The following MYH13 variants were observed in gnomAD, a reference collection of about 807,000 sequenced individuals.
MYH13 encodes myosin heavy chain 13.
MYH13 carries 177 observed loss-of-function variants against 232.1 expected under a neutral mutation model. The observed-to-expected ratio is 0.76, with a 90% CI of 0.67 to 0.86. The LOEUF is 0.86. Among genes scored for constraint, MYH13 ranks in the 40% least tolerant of loss-of-function variants. MYH13 has a pLI of 0.00. For missense variants in MYH13, 2,246 were observed against 2,405.9 expected (o/e 0.93, Z 1.39); for synonymous variants, 884 against 923.5 (o/e 0.96, Z 0.78).
intron 31 of MYH13, among the ~76,000 whole-genome samples, 198 bp from the exon 32 acceptor site, chr17:10,312,274 C>T (rs941028608): frequency 6.6e-6 from 1 of 152,150 alleles, no homozygotes; most frequent in African/African-American, 2.4e-5. Context: ...TTCTCACAGA[C>T]ATTATAATCT....
At chr17:10,310,999 A>G (rs1906490259) in intron 33 of MYH13, 104 bp downstream of exon 33, 1 of 1,433,140 alleles carries the variant, frequency 7.0e-7, no homozygotes, top group Admixed American at 2.0e-5. Context: ...CCCAATGGAG[A>G]CTCAGGGTCT....
intron 22 of MYH13, among the ~76,000 whole-genome samples, chr17:10,326,504 C>T (rs756945708): frequency 1.7e-4 from 25 of 151,022 alleles, no homozygotes; most frequent in Admixed American, 2.6e-4. Flanking sequence ...CGGAGTCTTG[C>T]TCTGTTGCCA....
chr17:10,359,951 G>T lies in MYH13; in HGVS notation c.645+9C>A. 1.9e-6 allele frequency: 3 copies of T among 1,602,480 alleles called. No individual in the cohort carries two copies. Among genetic ancestry groups the T allele is most frequent in the East Asian group, 4.5e-5 (2 of 44,822 alleles). On this transcript the variant is annotated intron_variant, in intron 7 of 40. Coordinates refer to ENST00000252172, the MANE Select transcript of MYH13 (RefSeq NM_003802.3). ...CAGTAAGCCTCCGGATGCAGGTGGG[G>T]CTGCTCACCTGCATTTTGCCTGGCT...
chr17:10,372,105 G>A (rs529950097), intron 1 of MYH13, among the ~76,000 whole-genome samples: 7 of 152,136 alleles, frequency 4.6e-5, no homozygotes, highest in Non-Finnish European at 7.4e-5. Flanking sequence ...TTCCTTCTCC[G>A]TCTTTAATGC....
At chr17:10,328,414 C>T (rs1907293095) in intron 21 of MYH13, among the ~76,000 whole-genome samples, 3 of 152,186 alleles carry the variant, frequency 2.0e-5, no homozygotes, top group South Asian at 2.1e-4. Flanking sequence ...TGAGGGCGTC[C>T]GTGACCTCCT....
At position 10,328,125 on chromosome 17, in the gene MYH13, T is replaced by C. The variant is rs1907282820; in HGVS notation, c.2436-4A>G. On this transcript the variant is annotated splice_polypyrimidine_tract_variant and splice_region_variant and intron_variant, in intron 21 of 40. Coordinates refer to ENST00000252172, the MANE Select transcript of MYH13 (RefSeq NM_003802.3). The stretch of plus-strand genomic sequence containing the variant: ...CTGGATGCAGAAGATGGAGTCCCTG[T>C]ACACCCATTAGGACTCAAATTAATA... 1.2e-6 allele frequency: 2 copies of C among 1,613,298 alleles called. No homozygotes were observed. Among genetic ancestry groups the C allele is most frequent in the African/African-American group, 1.3e-5 (1 of 74,974 alleles).
At chr17:10,310,756 G>C (rs1222901299) in intron 33 of MYH13, among the ~76,000 whole-genome samples, 2 of 152,138 alleles carry the variant, frequency 1.3e-5, no homozygotes, top group East Asian at 3.9e-4. Flanking sequence ...GATTATACAG[G>C]ATTCTTGATA....
intron 31 of MYH13, 21 bp downstream of exon 31, chr17:10,312,550 CAAA>C (rs1567656847): frequency 6.3e-7 from 1 of 1,598,662 alleles, no homozygotes. Flanking sequence ...GCCATCTTCA[CAAA>C]GAAAGCGGCT....
At position 10,308,142 on chromosome 17, in the gene MYH13, T is replaced by A. The variant is rs367726102; in HGVS notation, c.5170-1078A>T. Among the ~76,000 whole-genome samples the A allele has an allele frequency of 7.9e-5, 12 of 152,110 alleles. No homozygotes were observed. In the East Asian group the frequency reaches 2.3e-3, roughly 29 times the overall value. ...GAGATCGAGACAATCCTGGCCAACA[T>A]GGTGAAACCCCGTCTCTACAAAAAT... On this transcript the variant is annotated intron_variant, in intron 35 of 40. Transcript: ENST00000252172.
intron 12 of MYH13, among the ~76,000 whole-genome samples, chr17:10,347,976 G>T (rs947729804): frequency 6.6e-6 from 1 of 152,040 alleles, no homozygotes; most frequent in Non-Finnish European, 1.5e-5. Context: ...CTCCCAAAGT[G>T]CTGGGATTAC....
intron 12 of MYH13, among the ~76,000 whole-genome samples, chr17:10,347,259 G>A (rs2089965120): frequency 6.6e-6 from 1 of 152,124 alleles, no homozygotes; most frequent in African/African-American, 2.4e-5. Flanking sequence ...CAGCTACTTG[G>A]GAGGCTGAGG....
Position 10,324,363 on chromosome 17 carries a change from C to A in MYH13, c.2692-99G>T, listed in dbSNP as rs973593361. 9 of 1,458,178 alleles carry A rather than the reference C, an allele frequency of 6.2e-6. No homozygotes were observed. The African/African-American group carries it at 1.3e-4, about 21-fold the overall frequency. The allele number at this position is 1,458,178 out of a possible 1,614,324, so 90.3% of individuals were successfully genotyped here. A position where few individuals can be genotyped will look rare whatever the true frequency, so the allele number is the denominator to read the frequency against. On this transcript the variant is annotated intron_variant, in intron 22 of 40. Transcript: ENST00000252172. ...AAAAGCTTATTATCTACACCTAAGC[C>A]AAGAAATGGGTCATGCACACACATG...
chr17:10,319,916 C>A (rs920041795), intron 26 of MYH13, among the ~76,000 whole-genome samples: 2 of 152,130 alleles, frequency 1.3e-5, no homozygotes, highest in Non-Finnish European at 2.9e-5. Flanking sequence ...TCAAAGCACC[C>A]TTAACAATAA....
rs757888787 is a variant in MYH13 at position 10,313,331 on chromosome 17, G to A, written c.4008C>T (p.Ala1336=). 12 of 1,614,116 alleles carry A rather than the reference G, an allele frequency of 7.4e-6. No individual in the cohort carries two copies. The highest frequency in any genetic ancestry group is 1.6e-4 in the Middle Eastern group (1 of 6,084). ...ETKAKNAMAH[A]LQSSRHDCDL... The stretch of plus-strand genomic sequence containing the variant: ...CACAGTCGTGGCGGGAGGACTGCAG[G>A]GCGTGCGCCATGGCGTTCTTGGCCT... The change falls in exon 30 of 41, where the codon GCC becomes GCT. Residue 1336 remains alanine, a synonymous_variant. Transcript: ENST00000252172.
intron 18 of MYH13, 34 bp from the exon 19 acceptor site, chr17:10,333,225 A>G: frequency 7.0e-7 from 1 of 1,435,652 alleles, no homozygotes; most frequent in East Asian, 2.5e-5. Context: ...TGTGCCTGTG[A>G]CCCCTTCATT....
In MYH13 at chr17:10,360,307, A is replaced by G. The variant is rs184013600; in HGVS notation, c.506-119T>C. The G allele has an allele frequency of 3.5e-4, 419 of 1,204,276 alleles. 3 individuals carry two copies. The African/African-American group carries it at 5.7e-3, about 16-fold the overall frequency. The allele number at this position is 1,204,276 out of a possible 1,614,324, so 74.6% of individuals were successfully genotyped here. A position where few individuals can be genotyped will look rare whatever the true frequency, so the allele number is the denominator to read the frequency against. On this transcript the variant is annotated intron_variant, in intron 5 of 40. Coordinates refer to ENST00000252172, the MANE Select transcript of MYH13 (RefSeq NM_003802.3). ...CTAGTTAATGTCTTTGCCATTAACC[A>G]CTGGTATGATTTGGGCATGTCTAAT... is the stretch of plus-strand genomic sequence containing the variant.
intron 11 of MYH13, among the ~76,000 whole-genome samples, chr17:10,351,107 G>T (rs2071707135): frequency 6.6e-6 from 1 of 150,990 alleles, no homozygotes; most frequent in African/African-American, 2.4e-5. Flanking sequence ...TGTAGTCCCA[G>T]CTACTCAGGA....
At chr17:10,333,734 C>A (rs564620917) in intron 18 of MYH13, among the ~76,000 whole-genome samples, 1 of 152,218 alleles carries the variant, frequency 6.6e-6, no homozygotes, top group African/African-American at 2.4e-5. Context: ...TGGTGAAACC[C>A]AGTCTCTACA....
chr17:10,339,883 G>A (rs2071607690), intron 18 of MYH13, among the ~76,000 whole-genome samples: 1 of 152,078 alleles, frequency 6.6e-6, no homozygotes, highest in South Asian at 2.1e-4. Context: ...TATTTATGGG[G>A]TACACATGAT....
Sources: gnomAD v4.1 joint callset for allele counts (sites outside exome capture counted in the v4.1 genomes callset) on GRCh38, gnomAD v4.1.1 for gene constraint, MANE v1.5 for transcripts, NCBI Gene and HGNC (gene_info 2026-07-23, HGNC 2026-07-21) for gene names.